Variants in AIPL1 observed in about 807,000 individuals in gnomAD.
AIPL1 encodes the protein AIP like 1 HSP90 co-chaperone, also known as aryl-hydrocarbon-interacting protein-like 1.
In AIPL1, 23 loss-of-function variants were observed where a neutral mutation model predicts 32.9. That is an observed-to-expected ratio of 0.70 (90% confidence interval 0.50 to 0.99). AIPL1 has a LOEUF of 0.99. Among genes scored for constraint, AIPL1 ranks in the 50% least tolerant of loss-of-function variants. The pLI, the probability that AIPL1 is intolerant of heterozygous loss-of-function variation, is 0.00. For synonymous variants in AIPL1, 210 were observed against 209.4 expected, an observed-to-expected ratio of 1.00 and a Z score of -0.02; for missense variants, 485 against 506.0, an observed-to-expected ratio of 0.96 and a Z score of 0.40.
At chr17:6,434,664 C>T (rs992540312) in intron 1 of AIPL1, among the ~76,000 whole-genome samples, 5 of 152,132 alleles carry the variant, frequency 3.3e-5, no homozygotes, top group African/African-American at 4.8e-5. Context: ...GGCCAAAGCC[C>T]GAATTCTGTA....
In AIPL1 at chr17:6,425,236, G is replaced by A; in HGVS notation, c.*224C>T. On this transcript the variant is annotated 3_prime_UTR_variant, in exon 6 of 6. Coordinates refer to ENST00000381129, the MANE Select transcript of AIPL1 (RefSeq NM_014336.5). ...AAAAACAGGGTCAATTAAAACCATG[G>A]CACGGAAGGAATGAGAGGGGTAGAG... 1 of 474,174 alleles carries A rather than the reference G, an allele frequency of 2.1e-6. No individual in the cohort carries two copies. Among genetic ancestry groups the A allele is most frequent in the Non-Finnish European group, 3.6e-6 (1 of 278,484 alleles). The allele number at this position is 474,174 out of a possible 1,614,324, so 29.4% of individuals were successfully genotyped here. A position where few individuals can be genotyped will look rare whatever the true frequency, so the allele number is the denominator to read the frequency against.
Position 6,434,989 on chromosome 17 carries a change from T to C in AIPL1, c.96+20A>G, listed in dbSNP as rs748935179. ...AGCTGCTGTGGGGGACCCTGTCTGC[T>C]CCGGAGGGGCCCCACTCACTCGGGA... is the stretch of plus-strand genomic sequence containing the variant. On this transcript the variant is annotated intron_variant, in intron 1 of 5. Coordinates refer to ENST00000381129, the MANE Select transcript of AIPL1 (RefSeq NM_014336.5). 1 of 1,614,082 alleles carries C rather than the reference T, an allele frequency of 6.2e-7. No individual in the cohort carries two copies. Among genetic ancestry groups the C allele is most frequent in the Non-Finnish European group, 8.5e-7 (1 of 1,179,992 alleles).
chr17:6,425,598 G>A lies in AIPL1; in HGVS notation c.1017C>T (p.Pro339=). 1 of 1,613,442 alleles carries A rather than the reference G, an allele frequency of 6.2e-7. No homozygotes were observed. The highest frequency in any genetic ancestry group is 8.5e-7 in the Non-Finnish European group (1 of 1,179,838). The change falls in exon 6 of 6, where the codon CCC becomes CCT. Residue 339 remains proline (P), a synonymous_variant. Transcript: ENST00000381129. ...QGATQPPAEP[P]TEPPAQSSTE... ...TGGATGACTGTGCGGGTGGCTCTGTGGGTGGCTCTGCGGGAGGCTGCGTGG... is the reference window on the plus strand; with the variant it reads ...TGGATGACTGTGCGGGTGGCTCTGTAGGTGGCTCTGCGGGAGGCTGCGTGG...
intron 1 of AIPL1, 73 bp downstream of exon 1, chr17:6,434,936 T>G: frequency 6.2e-7 from 1 of 1,607,738 alleles, no homozygotes; most frequent in Non-Finnish European, 8.5e-7. Flanking sequence ...CTGTTTACAG[T>G]GCCTTGGGGC....
At chr17:6,430,456 C>CAAAAAAAAAA (rs1169701817) in intron 2 of AIPL1, among the ~76,000 whole-genome samples, 9 of 44,514 alleles carry the variant, frequency 2.0e-4, no homozygotes, top group East Asian at 7.2e-4. Context: ...AAGTCCGTCT[C>CAAAAAAAAAA]AAAAAAAAAA....
chr17:6,433,984 C>T lies in AIPL1; in HGVS notation c.211G>A (p.Val71Ile). 1 of 1,614,150 alleles carries T rather than the reference C, an allele frequency of 6.2e-7. No individual in the cohort carries two copies. The highest frequency in any genetic ancestry group is 1.1e-5 in the South Asian group (1 of 91,072). The change falls in exon 2 of 6, where the codon GTC becomes ATC. Residue 71 changes from valine to isoleucine, a missense_variant. Physicochemically the swap from Val to Ile is conservative, Grantham distance 29. Transcript: ENST00000381129. The part of the protein sequence containing the change: ...IIIGNMFKLE[V>I]WEILLTSMRV... Reference sequence around the variant, plus strand: ...ATGGAGGTAAGCAGGATCTCCCAGACCTCGAGCTTGAACATGTTTCCGATG... The same window carrying T: ...ATGGAGGTAAGCAGGATCTCCCAGATCTCGAGCTTGAACATGTTTCCGATG...
At chr17:6,434,376 T>TTTTTTTTA in intron 1 of AIPL1, among the ~76,000 whole-genome samples, 1 of 147,238 alleles carries the variant, frequency 6.8e-6, no homozygotes, top group African/African-American at 2.6e-5. Flanking sequence ...TTTTTTTTTC[T>TTTTTTTTA]GAGACAGAGT....
chr17:6,434,829 A>T, intron 1 of AIPL1, 180 bp downstream of exon 1: 1 of 1,144,410 alleles, frequency 8.7e-7, no homozygotes, highest in South Asian at 1.6e-5. Context: ...TTGAATCTGC[A>T]AAGTACCAAA....
chr17:6,428,562 C>T (rs1597331831), intron 2 of AIPL1, 56 bp from the exon 3 acceptor site: 2 of 1,538,256 alleles, frequency 1.3e-6, no homozygotes, highest in East Asian at 4.5e-5. Flanking sequence ...GCTAGGTGGG[C>T]CATAAAAGGC....
intron 3 of AIPL1, 52 bp from the exon 4 acceptor site, chr17:6,427,109 C>T (rs777063513): frequency 3.7e-6 from 6 of 1,600,176 alleles, no homozygotes; most frequent in Non-Finnish European, 5.1e-6. Context: ...GGCCTGCACC[C>T]CATCAGAGAC....
intron 3 of AIPL1, among the ~76,000 whole-genome samples, chr17:6,428,029 AG>A (rs1912166360): frequency 6.6e-6 from 1 of 152,174 alleles, no homozygotes; most frequent in Admixed American, 6.5e-5. Context: ...CATGTTGGCC[AG>A]GCTGGTCTCG....
chr17:6,432,823 G>C (rs1320511198), intron 2 of AIPL1, among the ~76,000 whole-genome samples: 2 of 152,118 alleles, frequency 1.3e-5, no homozygotes, highest in African/African-American at 4.8e-5. Flanking sequence ...TAGAGACGGG[G>C]TTTCACCATG....
chr17:6,426,423 GGC>G (rs1911958438), intron 5 of AIPL1, 190 bp downstream of exon 5: 3 of 1,444,010 alleles, frequency 2.1e-6, no homozygotes, highest in Admixed American at 2.6e-5. Flanking sequence ...TAAAATAAAG[GGC>G]CGCCCCGCGC....
chr17:6,431,838 T>C (rs1211975139), intron 2 of AIPL1, among the ~76,000 whole-genome samples: 1 of 152,096 alleles, frequency 6.6e-6, no homozygotes, highest in African/African-American at 2.4e-5. Context: ...GACAACCAAG[T>C]GTGATGTACG....
At chr17:6,433,686 C>T (rs1912855321) in intron 2 of AIPL1, among the ~76,000 whole-genome samples, 1 of 151,938 alleles carries the variant, frequency 6.6e-6, no homozygotes, top group Non-Finnish European at 1.5e-5. Context: ...GGCCAGCTCA[C>T]TCCTGCTGGT....
chr17:6,427,205 C>T (rs1912084978), intron 3 of AIPL1, 148 bp from the exon 4 acceptor site: 1 of 837,414 alleles, frequency 1.2e-6, no homozygotes, highest in Non-Finnish European at 1.9e-6. Flanking sequence ...AGCAACAACG[C>T]CGAAAACCCT....
chr17:6,433,903 C>CAGAAAAGACTAGTCCCA lies in AIPL1; in HGVS notation c.276+15_276+16insTGGGACTAGTCTTTTCT. On this transcript the variant is annotated intron_variant, in intron 2 of 5. Coordinates refer to ENST00000381129, the MANE Select transcript of AIPL1 (RefSeq NM_014336.5). ...AAAGACTAGTCCCAGGAGACAGGCG[C>CAGAAAAGACTAGTCCCA]GCAGGGCCTACTTACGATGGTGTCG... is the stretch of plus-strand genomic sequence containing the variant. 6.2e-7 allele frequency: 1 copy of CAGAAAAGACTAGTCCCA among 1,612,282 alleles called. No individual in the cohort carries two copies. The highest frequency in any genetic ancestry group is 1.3e-5 in the African/African-American group (1 of 75,004).
chr17:6,428,087 TA>T lies in AIPL1; in HGVS notation c.465+230del, dbSNP rs60217413. Among the ~76,000 whole-genome samples the T allele has an allele frequency of 0.31, 46,482 of 152,114 alleles. 7,228 individuals carry two copies. The highest frequency in any genetic ancestry group is 0.44 in the Middle Eastern group (130 of 294). ...CAACCCCCTCGGCCTCCCAAAGTGCTAGGATTACAGGCGTGGGCCACCATGC... is the reference window on the plus strand; with the variant it reads ...CAACCCCCTCGGCCTCCCAAAGTGCTGGATTACAGGCGTGGGCCACCATGC... On this transcript the variant is annotated intron_variant, in intron 3 of 5. Transcript: ENST00000381129.
intron 5 of AIPL1, 184 bp downstream of exon 5, chr17:6,426,431 C>A: frequency 6.9e-7 from 1 of 1,456,594 alleles, no homozygotes; most frequent in Non-Finnish European, 9.0e-7. Context: ...AGGGCCGCCC[C>A]GCGCCAAGCA....
Sources: allele counts gnomAD v4.1 joint callset (sites outside exome capture counted in the v4.1 genomes callset), GRCh38; gene constraint gnomAD v4.1.1; transcripts MANE v1.5; gene names NCBI Gene and HGNC (gene_info 2026-07-23, HGNC 2026-07-21).